The following PDK1 variants were observed in gnomAD, a reference collection of about 807,000 sequenced individuals.
PDK1 encodes the protein [Pyruvate dehydrogenase (acetyl-transferring)] kinase isozyme 1, mitochondrial.
A neutral mutation model predicts 54.2 loss-of-function variants in PDK1; 39 were observed. That is an observed-to-expected ratio of 0.72 (90% CI 0.56 to 0.94). The LOEUF is 0.94. PDK1 is among the 40% of genes least tolerant of loss of function. The pLI, the probability that PDK1 is intolerant of heterozygous loss-of-function variation, is 0.00. For synonymous variants in PDK1, 221 were observed against 207.1 expected (o/e 1.07, Z -0.58); for missense variants, 552 against 566.0 (o/e 0.98, Z 0.25).
chr2:172,585,099 T>C (rs1214595868), intron 8 of PDK1, among the ~76,000 whole-genome samples: 2 of 151,994 alleles, frequency 1.3e-5, no homozygotes, highest in Non-Finnish European at 2.9e-5. Flanking sequence ...TGGGCTCAAG[T>C]GATACTCCTT....
chr2:172,716,787 A>G, the PDK1 span, among the ~76,000 whole-genome samples: 1 of 152,278 alleles, frequency 6.6e-6, no homozygotes, highest in East Asian at 1.9e-4. Context: ...AATCTAAAAT[A>G]CAGAGGTAAA....
intron 6 of PDK1, 69 bp from the exon 7 acceptor site, chr2:172,568,672 C>A: frequency 1.1e-6 from 1 of 930,012 alleles, no homozygotes; most frequent in Non-Finnish European, 1.8e-6. Flanking sequence ...CATCACTACA[C>A]AGTTTATTCT....
chr2:172,621,740 GTCATA>G, the PDK1 span, among the ~76,000 whole-genome samples: 31 of 141,648 alleles, frequency 2.2e-4, 3 homozygotes, highest in African/African-American at 7.7e-4. Flanking sequence ...TCTCATATAT[GTCATA>G]TATGTTTATA....
At chr2:172,555,641 A>T (rs533152753), upstream of PDK1, 1 of 152,274 alleles carries the variant, frequency 6.6e-6, no homozygotes, top group East Asian at 1.9e-4. Context: ...GCAGCACGAC[A>T]CCGCGGTGTG....
Position 172,596,810 on chromosome 2 carries a change from C to T in PDK1, c.*841C>T, listed in dbSNP as rs70937081. Reference sequence around the variant, plus strand: ...GCATCCTACTCCAGATACACTGAATCGGAATCCCTAGGGCTAGAGCCTAGA... The same window carrying T: ...GCATCCTACTCCAGATACACTGAATTGGAATCCCTAGGGCTAGAGCCTAGA... On this transcript the variant is annotated 3_prime_UTR_variant, in exon 11 of 11. Coordinates refer to ENST00000282077, the MANE Select transcript of PDK1 (RefSeq NM_002610.5). 1.3e-5 allele frequency: 2 copies of T among 152,186 alleles called. No homozygotes were observed. Among genetic ancestry groups the T allele is most frequent in the African/African-American group, 2.4e-5 (1 of 41,450 alleles). The allele number at this position is 152,186 out of a possible 1,614,324, so 9.4% of individuals were successfully genotyped here.
the PDK1 span, among the ~76,000 whole-genome samples, chr2:172,708,015 A>G: frequency 6.6e-6 from 1 of 152,182 alleles, no homozygotes; most frequent in African/African-American, 2.4e-5. Context: ...ATTTAGAAAA[A>G]TGACCAGCCA....
rs1326127174 is a variant in PDK1, at chr2:172,599,813, T to G, written c.*3844T>G. On this transcript the variant is annotated 3_prime_UTR_variant, in exon 11 of 11. Coordinates refer to ENST00000282077, the MANE Select transcript of PDK1 (RefSeq NM_002610.5). The stretch of plus-strand genomic sequence containing the variant: ...AGGTTTTTAATAGCAAAAGACAAGA[T>G]TGTCAGTTTTTGGTGCAAAACTCTA... 1 of 152,192 alleles carries G rather than the reference T, an allele frequency of 6.6e-6. No homozygotes were observed. The highest frequency in any genetic ancestry group is 1.5e-5 in the Non-Finnish European group (1 of 68,022). 9.4% of individuals were successfully genotyped at this position (152,192 alleles called of 1,614,324 possible). A position where few individuals can be genotyped will look rare whatever the true frequency, so the allele number is the denominator to read the frequency against.
In PDK1 at chr2:172,573,662, G is replaced by GATATAT. The variant is rs60256439; in HGVS notation, c.945+2845_945+2850dup. 2.2e-3 allele frequency among the ~76,000 whole-genome samples: 328 copies of GATATAT among 150,456 alleles called. 4 individuals are homozygous for GATATAT. Among genetic ancestry groups the GATATAT allele is most frequent in the African/African-American group, 7.0e-3 (285 of 40,980 alleles). ...TGTATATATATATACACTCTCTCTA[G>GATATAT]ATATATATATATGTATATAGGGGTT... On this transcript the variant is annotated intron_variant, in intron 8 of 10. Transcript: ENST00000282077.
rs566736913 is a variant in PDK1, at chr2:172,564,929, G to C, written c.596-49G>C. 3.3e-6 allele frequency: 4 copies of C among 1,218,564 alleles called. No individual in the cohort carries two copies. In the East Asian group the frequency reaches 7.0e-5, roughly 21 times the overall value. The allele number at this position is 1,218,564 out of a possible 1,614,324, so 75.5% of individuals were successfully genotyped here. A position where few individuals can be genotyped will look rare whatever the true frequency, so the allele number is the denominator to read the frequency against. On this transcript the variant is annotated intron_variant, in intron 4 of 10. Transcript: ENST00000282077. ...AAACAGTATTCAGATTTGGAAAAGA[G>C]CATTAGGTGGTTTAGCTTATTTTGT...
the PDK1 span, among the ~76,000 whole-genome samples, chr2:172,714,821 A>G: frequency 6.6e-6 from 1 of 152,158 alleles, no homozygotes; most frequent in African/African-American, 2.4e-5. Context: ...AGTTGTATTA[A>G]TGACTATTTA....
At chr2:172,708,029 G>A in the PDK1 span, among the ~76,000 whole-genome samples, 7 of 152,142 alleles carry the variant, frequency 4.6e-5, no homozygotes, top group Admixed American at 2.6e-4. Context: ...CCAGCCAGGC[G>A]TGGTGGCTCA....
intron 6 of PDK1, among the ~76,000 whole-genome samples, chr2:172,567,703 G>C (rs1022834045): frequency 6.6e-6 from 1 of 152,236 alleles, no homozygotes; most frequent in Non-Finnish European, 1.5e-5. Flanking sequence ...CAGTGTACAA[G>C]TAAGTGATAG....
the PDK1 span, among the ~76,000 whole-genome samples, chr2:172,671,106 A>G: frequency 1.3e-5 from 2 of 149,902 alleles, no homozygotes; most frequent in Non-Finnish European, 3.0e-5. Flanking sequence ...TTTTTTTTTT[A>G]AAAGCACAAC....
At chr2:172,586,451 C>A in intron 9 of PDK1, 63 bp downstream of exon 9, 1 of 979,720 alleles carries the variant, frequency 1.0e-6, no homozygotes, top group Non-Finnish European at 1.6e-6. Flanking sequence ...CTGTAGCTGC[C>A]AAATAAGTAA....
intron 1 of PDK1, among the ~76,000 whole-genome samples, chr2:172,557,610 C>CATGT (rs137961827): frequency 1.4e-5 from 2 of 141,938 alleles, no homozygotes; most frequent in Non-Finnish European, 3.1e-5. Context: ...TCTTTTTTCC[C>CATGT]GTGTGTGTGT....
the PDK1 span, among the ~76,000 whole-genome samples, chr2:172,688,392 G>C: frequency 7.2e-5 from 11 of 152,224 alleles, no homozygotes; most frequent in East Asian, 2.1e-3. Context: ...TTAGCAATTA[G>C]GTTAACTACC....
rs1574553234 is a variant in PDK1, at chr2:172,604,284, C to T, written c.*8315C>T. 1 of 152,294 alleles carries T rather than the reference C, an allele frequency of 6.6e-6. No individual in the cohort carries two copies. Among genetic ancestry groups the T allele is most frequent in the East Asian group, 1.9e-4 (1 of 5,170 alleles). The allele number at this position is 152,294 out of a possible 1,614,324, so 9.4% of individuals were successfully genotyped here. ...TTTAGCAGAGACAGGGTGTCGCCAC[C>T]TCAAGGGATCCACCTGCCTTGGCCT... On this transcript the variant is annotated 3_prime_UTR_variant, in exon 11 of 11. Transcript: ENST00000282077.
chr2:172,686,360 C>T, the PDK1 span, among the ~76,000 whole-genome samples: 19 of 152,048 alleles, frequency 1.2e-4, no homozygotes, highest in South Asian at 1.0e-3. Context: ...ATGCACCAAT[C>T]GGCGCTTTGT....
the PDK1 span, among the ~76,000 whole-genome samples, chr2:172,667,050 C>A: frequency 6.6e-6 from 1 of 152,154 alleles, no homozygotes; most frequent in Non-Finnish European, 1.5e-5. Flanking sequence ...GAAGTCTGGG[C>A]TTTTCGTGTA....
Sources: allele counts gnomAD v4.1 joint callset (sites outside exome capture counted in the v4.1 genomes callset), GRCh38; gene constraint gnomAD v4.1.1; transcripts MANE v1.5; gene names NCBI Gene and HGNC (gene_info 2026-07-23, HGNC 2026-07-21).